IQSEC1: variants seen among roughly 807,000 people sequenced by gnomAD.
IQSEC1 encodes IQ motif and Sec7 domain ArfGEF 1.
In IQSEC1, 31 loss-of-function variants were observed where a neutral mutation model predicts 91.0. That is an observed-to-expected ratio of 0.34 (90% confidence interval 0.26 to 0.46). The LOEUF (loss-of-function observed/expected upper bound fraction) is 0.46, where lower values mean the gene tolerates loss of function less well. IQSEC1 is among the 20% of genes least tolerant of loss of function. IQSEC1 has a pLI of 1.00. For missense variants in IQSEC1, 1,388 were observed against 1,575.6 expected (o/e 0.88, Z 2.02); for synonymous variants, 699 against 662.6 (o/e 1.05, Z -0.84).
intron 1 of IQSEC1, among the ~76,000 whole-genome samples, chr3:12,947,883 T>C (rs1055508793): frequency 6.6e-6 from 1 of 152,224 alleles, no homozygotes; most frequent in African/African-American, 2.4e-5. Flanking sequence ...TGGTATGTGG[T>C]GTTTTATGTG....
At chr3:13,032,644 C>T (rs1186019339) in intron 1 of IQSEC1, among the ~76,000 whole-genome samples, 8 of 150,784 alleles carry the variant, frequency 5.3e-5, no homozygotes, top group African/African-American at 9.8e-5. Flanking sequence ...AGTGCAGTGG[C>T]GCAATCTTGG....
chr3:13,223,604 TCG>T (rs1694699180), intron 1 of IQSEC1, among the ~76,000 whole-genome samples: 1 of 152,212 alleles, frequency 6.6e-6, no homozygotes, highest in Non-Finnish European at 1.5e-5. Flanking sequence ...TCCCAGGTCC[TCG>T]CGCGCCCACC....
intron 2 of IQSEC1, among the ~76,000 whole-genome samples, chr3:13,161,440 G>A (rs1245621573): frequency 6.6e-6 from 1 of 152,214 alleles, no homozygotes; most frequent in East Asian, 1.9e-4. Context: ...ACACTGCTCT[G>A]GAAGCCCAGA....
intron 1 of IQSEC1, among the ~76,000 whole-genome samples, chr3:13,194,877 T>G (rs1259062033): frequency 6.6e-6 from 1 of 151,982 alleles, no homozygotes; most frequent in Admixed American, 6.6e-5. Flanking sequence ...AAATGGAAAA[T>G]GTCAATCCAC....
At chr3:12,969,404 T>C (rs1229393952) in intron 1 of IQSEC1, among the ~76,000 whole-genome samples, 1 of 151,896 alleles carries the variant, frequency 6.6e-6, no homozygotes, top group Non-Finnish European at 1.5e-5. Flanking sequence ...AGGAAGGCCA[T>C]AATAAAAAAG....
At chr3:13,031,116 C>T (rs1703827276) in intron 1 of IQSEC1, among the ~76,000 whole-genome samples, 1 of 152,230 alleles carries the variant, frequency 6.6e-6, no homozygotes, top group Non-Finnish European at 1.5e-5. Flanking sequence ...CTGTTTCCTG[C>T]CAAAGATGCT....
At chr3:13,223,995 G>A (rs1694709058) in intron 1 of IQSEC1, among the ~76,000 whole-genome samples, 1 of 152,148 alleles carries the variant, frequency 6.6e-6, no homozygotes, top group South Asian at 2.1e-4. Context: ...TTGGGGCCGA[G>A]TCCTCCCTCA....
intron 10 of IQSEC1, among the ~76,000 whole-genome samples, chr3:12,910,418 G>A (rs924439904): frequency 6.6e-6 from 1 of 152,134 alleles, no homozygotes; most frequent in Admixed American, 6.5e-5. Flanking sequence ...TTTGCTGCCA[G>A]GATCTCACTA....
At chr3:12,911,947 A>C (rs1695599659) in intron 9 of IQSEC1, among the ~76,000 whole-genome samples, 2 of 152,108 alleles carry the variant, frequency 1.3e-5, no homozygotes, top group Non-Finnish European at 2.9e-5. Flanking sequence ...CCACAACCTG[A>C]CATAGAGGCG....
In IQSEC1 at chr3:12,922,968, CAG is replaced by C. The variant is rs1221511541; in HGVS notation, c.1731-728_1731-727del. 6.6e-6 allele frequency among the ~76,000 whole-genome samples: 1 copy of C among 152,184 alleles called. No homozygotes were observed. Among genetic ancestry groups the C allele is most frequent in the Admixed American group, 6.5e-5 (1 of 15,290 alleles). Reference sequence around the variant, plus strand: ...TGATGCTGCGGTCACTCCCATGGGGCAGAGAGAGGCCTGGCCACACAGGGCCT... The same window carrying C: ...TGATGCTGCGGTCACTCCCATGGGGCAGAGAGGCCTGGCCACACAGGGCCT... On this transcript the variant is annotated intron_variant, in intron 4 of 13. Transcript: ENST00000613206. This position sits in a 1 kb window ranked among gnomAD's most constrained non-coding sequence, Gnocchi z 5.1.
At chr3:12,916,670 G>A (rs1338683962) in intron 6 of IQSEC1, among the ~76,000 whole-genome samples, 1 of 152,184 alleles carries the variant, frequency 6.6e-6, no homozygotes, top group Non-Finnish European at 1.5e-5. Flanking sequence ...TGCATTTGGG[G>A]AACTTATCCC....
chr3:12,988,344 A>C (rs1701836721), intron 1 of IQSEC1, among the ~76,000 whole-genome samples: 1 of 152,180 alleles, frequency 6.6e-6, no homozygotes, highest in South Asian at 2.1e-4. Context: ...GAACCCGGGA[A>C]GTGCAGGTTG....
intron 2 of IQSEC1, among the ~76,000 whole-genome samples, chr3:13,145,733 G>C (rs186069873): frequency 6.9e-6 from 1 of 145,960 alleles, no homozygotes; most frequent in Non-Finnish European, 1.5e-5. Flanking sequence ...GGCCCAAAGC[G>C]CAAGGAACAG....
chr3:13,042,911 T>C (rs1704338016), intron 1 of IQSEC1, among the ~76,000 whole-genome samples: 1 of 152,166 alleles, frequency 6.6e-6, no homozygotes, highest in South Asian at 2.1e-4. Context: ...CACTGGCCTC[T>C]TTTGCCAGAT....
At chr3:13,100,580 C>A (rs983181772) in intron 2 of IQSEC1, among the ~76,000 whole-genome samples, 1 of 148,580 alleles carries the variant, frequency 6.7e-6, no homozygotes, top group African/African-American at 2.5e-5. Flanking sequence ...TACAAGGTCA[C>A]TGATTTTCAG....
chr3:13,257,837 C>A, intron 1 of IQSEC1, among the ~76,000 whole-genome samples: 1 of 152,226 alleles, frequency 6.6e-6, no homozygotes, highest in East Asian at 1.9e-4. Context: ...CTTAAGGGAG[C>A]TGAAAATGTA....
intron 1 of IQSEC1, among the ~76,000 whole-genome samples, chr3:13,035,865 G>A (rs1704016390): frequency 1.3e-5 from 2 of 152,196 alleles, no homozygotes; most frequent in Non-Finnish European, 2.9e-5. Context: ...TCTTTCCCTT[G>A]GATTGCTTGC....
rs145704012 is a variant in IQSEC1 at position 13,103,855 on chromosome 3, T to G, written c.303-56333A>C. On this transcript the variant is annotated intron_variant, in intron 2 of 15. Transcript: ENST00000648114. This position sits in a 1 kb window ranked among gnomAD's most constrained non-coding sequence, Gnocchi z 4.1. ...CGTGCGGCACATAGTAGGTGCTCAGTAAGTCACTAAATGAGCAGCAATATT... is the reference window on the plus strand; with the variant it reads ...CGTGCGGCACATAGTAGGTGCTCAGGAAGTCACTAAATGAGCAGCAATATT... 2.0e-4 allele frequency among the ~76,000 whole-genome samples: 31 copies of G among 152,338 alleles called. No homozygotes were observed. The East Asian group carries it at 6.0e-3, about 29-fold the overall frequency.
At chr3:13,271,173 C>T (rs1252119837) in intron 1 of IQSEC1, among the ~76,000 whole-genome samples, 1 of 151,878 alleles carries the variant, frequency 6.6e-6, no homozygotes, top group Non-Finnish European at 1.5e-5. Flanking sequence ...GTCAGGGGAT[C>T]GAAACCATCC....
Sources: allele counts gnomAD v4.1 joint callset (sites outside exome capture counted in the v4.1 genomes callset), GRCh38; gene constraint gnomAD v4.1.1; non-coding constraint Gnocchi (gnomAD v3.1); transcripts MANE v1.5; gene names NCBI Gene and HGNC (gene_info 2026-07-23, HGNC 2026-07-21).